GCA: variants seen among roughly 807,000 people sequenced by gnomAD.
GCA encodes grancalcin, EF-hand calcium-binding protein.
GCA carries 30 observed loss-of-function variants against 32.6 expected under a neutral mutation model. The ratio of observed to expected loss-of-function variants is 0.92; its 90% CI spans 0.69 to 1.25. GCA has a LOEUF of 1.25. GCA is among the 50% of genes most tolerant of loss of function. The probability of loss-of-function intolerance (pLI) is 0.00; values close to 1 mark genes in which losing one functional copy is unlikely to be tolerated. For missense variants in GCA, 291 were observed against 266.8 expected (o/e 1.09, Z -0.63); for synonymous variants, 102 against 84.6 (o/e 1.21, Z -1.13).
downstream of GCA, among the ~76,000 whole-genome samples, chr2:162,366,737 T>C (rs917701110): frequency 1.3e-5 from 2 of 151,918 alleles, no homozygotes; most frequent in Non-Finnish European, 2.9e-5. Context: ...ATTGCAAAGC[T>C]AGAAAACAAT....
chr2:162,331,193 G>A (rs1395163315), intron 1 of GCA, among the ~76,000 whole-genome samples: 3 of 152,194 alleles, frequency 2.0e-5, no homozygotes, highest in Non-Finnish European at 4.4e-5. Context: ...CTTATTTATA[G>A]TATAACAGCT....
At position 162,353,117 on chromosome 2, in the gene GCA, T is replaced by G. The variant is rs1033666635; in HGVS notation, c.262+710T>G. Among the ~76,000 whole-genome samples, 7 of 152,248 alleles carry G rather than the reference T, an allele frequency of 4.6e-5. No homozygotes were observed. In the South Asian group the frequency reaches 1.2e-3, roughly 27 times the overall value. On this transcript the variant is annotated intron_variant, in intron 3 of 7. Coordinates refer to ENST00000437150, the MANE Select transcript of GCA (RefSeq NM_012198.5). ...TTTACTCCATCTCTTGTTGTCCTCT[T>G]TTAAAAAATTCATTATCTTATTTTA...
chr2:162,347,613 G>C lies in GCA; in HGVS notation c.63G>C (p.Gln21His). The C allele has an allele frequency of 6.2e-7, 1 of 1,609,428 alleles. No individual in the cohort carries two copies. Among genetic ancestry groups the C allele is most frequent in the Non-Finnish European group, 8.5e-7 (1 of 1,177,006 alleles). Residue 21 changes from glutamine (Q) to histidine (H), a missense_variant, in exon 2 of 8, where the codon CAG becomes CAC. Gln to His is a conservative substitution (Grantham distance 24). Coordinates refer to ENST00000437150, the MANE Select transcript of GCA (RefSeq NM_012198.5). ...TTAGCATTCAGGTGCCAGGAATGCA[G>C]ATGGGACAGCCAGTGCCAGAAACAG... is the stretch of plus-strand genomic sequence containing the variant. Reference protein sequence around the residue: ...GNFSIQVPGMQMGQPVPETGP... With the variant: ...GNFSIQVPGMHMGQPVPETGP...
chr2:162,347,475 CTG>C (rs1466645503), intron 1 of GCA, 101 bp from the exon 2 acceptor site: 18 of 636,844 alleles, frequency 2.8e-5, no homozygotes, highest in African/African-American at 9.3e-5. Flanking sequence ...CTTTTGGTAA[CTG>C]TTTACTTTTT....
intron 5 of GCA, among the ~76,000 whole-genome samples, chr2:162,357,816 A>C (rs111477713): frequency 2.0e-5 from 3 of 151,734 alleles, no homozygotes; most frequent in African/African-American, 7.2e-5. Context: ...AAACCTCCAG[A>C]GTTCCCGTTA....
intron 1 of GCA, among the ~76,000 whole-genome samples, chr2:162,322,732 T>C (rs1182477875): frequency 5.3e-5 from 8 of 151,430 alleles, no homozygotes; most frequent in Non-Finnish European, 8.8e-5. Flanking sequence ...ACAAAGGACA[T>C]GAACTCATCA....
intron 2 of GCA, 107 bp from the exon 3 acceptor site, chr2:162,352,231 G>A: frequency 1.5e-6 from 1 of 675,468 alleles, no homozygotes; most frequent in Non-Finnish European, 2.6e-6. Context: ...ATAGAGTAAT[G>A]TTTCAAAGAA....
intron 3 of GCA, among the ~76,000 whole-genome samples, chr2:162,355,533 G>A (rs995316566): frequency 1.3e-5 from 2 of 151,640 alleles, no homozygotes; most frequent in African/African-American, 2.4e-5. Flanking sequence ...CTGTACTAAC[G>A]TGATGTTTTC....
At chr2:162,373,480 G>A, downstream of GCA, 1 of 1,534,970 alleles carries the variant, frequency 6.5e-7, no homozygotes, top group Non-Finnish European at 8.8e-7. Flanking sequence ...TTGTGAGGAA[G>A]GGCTGAAACT....
intron 1 of GCA, among the ~76,000 whole-genome samples, chr2:162,334,063 C>G (rs894464912): frequency 6.6e-6 from 1 of 152,188 alleles, no homozygotes; most frequent in South Asian, 2.1e-4. Context: ...TCCTAGACAT[C>G]GTCTTATCCA....
Position 162,361,450 on chromosome 2 carries a change from G to T in GCA, c.*1207G>T. The T allele has an allele frequency of 5.1e-6, 5 of 977,414 alleles. No individual in the cohort carries two copies. The highest frequency in any genetic ancestry group is 6.1e-6 in the Non-Finnish European group (5 of 822,958). 60.5% of individuals were successfully genotyped at this position (977,414 alleles called of 1,614,324 possible). On this transcript the variant is annotated 3_prime_UTR_variant, in exon 8 of 8. Transcript: ENST00000437150. ...TAAATGTGTATTTTCTAACCTAACA[G>T]TGAGTGACATAATTTTATGACTGCT...
chr2:162,360,017 T>C (rs563526104), intron 7 of GCA, among the ~76,000 whole-genome samples, 200 bp from the exon 8 acceptor site: 2 of 151,462 alleles, frequency 1.3e-5, no homozygotes, highest in African/African-American at 2.4e-5. Flanking sequence ...GCTTTAATGT[T>C]TCAGGGTTTT....
At chr2:162,332,858 T>C (rs1473581897) in intron 1 of GCA, among the ~76,000 whole-genome samples, 1 of 152,068 alleles carries the variant, frequency 6.6e-6, no homozygotes, top group African/African-American at 2.4e-5. Context: ...TAGTGATACA[T>C]CCCTAAGATG....
At chr2:162,371,704 A>G (rs1685952784), downstream of GCA, 7 of 950,704 alleles carry the variant, frequency 7.4e-6, no homozygotes. Context: ...AGGAAAATAT[A>G]CAGTACTTTT....
chr2:162,328,526 G>A (rs193009206), intron 1 of GCA, among the ~76,000 whole-genome samples: 1 of 152,312 alleles, frequency 6.6e-6, no homozygotes, highest in East Asian at 1.9e-4. Context: ...AGTTGAGACA[G>A]GAAAAGTTGC....
At position 162,361,663 on chromosome 2, in the gene GCA, A is replaced by C. The variant is rs944358218; in HGVS notation, c.*1420A>C. ...GATAATTTTATATAATTTGCTGTCAAATTCACTTGGTCAGTTTTATAAAAA... is the reference window on the plus strand; with the variant it reads ...GATAATTTTATATAATTTGCTGTCACATTCACTTGGTCAGTTTTATAAAAA... On this transcript the variant is annotated 3_prime_UTR_variant, in exon 8 of 8. Coordinates refer to ENST00000437150, the MANE Select transcript of GCA (RefSeq NM_012198.5). 1.0e-6 allele frequency: 1 copy of C among 984,500 alleles called. No homozygotes were observed. Among genetic ancestry groups the C allele is most frequent in the Non-Finnish European group, 1.2e-6 (1 of 829,262 alleles). The allele number at this position is 984,500 out of a possible 1,614,324, so 61.0% of individuals were successfully genotyped here.
intron 1 of GCA, among the ~76,000 whole-genome samples, chr2:162,333,606 A>G (rs1240898104): frequency 1.3e-5 from 2 of 152,152 alleles, no homozygotes; most frequent in African/African-American, 4.8e-5. Context: ...GGACATATTC[A>G]TACTATGTGA....
At chr2:162,334,516 G>C (rs953771560) in intron 1 of GCA, among the ~76,000 whole-genome samples, 19 of 152,120 alleles carry the variant, frequency 1.2e-4, no homozygotes, top group African/African-American at 4.6e-4. Context: ...ATAGGTAAGG[G>C]ACAAGGTAAC....
chr2:162,345,411 G>A (rs1684649287), intron 1 of GCA, among the ~76,000 whole-genome samples: 1 of 152,074 alleles, frequency 6.6e-6, no homozygotes, highest in African/African-American at 2.4e-5. Context: ...ATTTTCATTT[G>A]GTTGAAGCTA....
Sources: gnomAD v4.1 joint callset for allele counts (sites outside exome capture counted in the v4.1 genomes callset) on GRCh38, gnomAD v4.1.1 for gene constraint, MANE v1.5 for transcripts, NCBI Gene and HGNC (gene_info 2026-07-23, HGNC 2026-07-21) for gene names.